The following ESRRG variants were observed in gnomAD, a reference collection of about 807,000 sequenced individuals.
ESRRG encodes the protein estrogen related receptor gamma.
In ESRRG, 13 loss-of-function variants were observed where a neutral mutation model predicts 44.0. That is an observed-to-expected ratio of 0.30 (90% CI 0.19 to 0.47). The LOEUF (loss-of-function observed/expected upper bound fraction) is 0.47. ESRRG is among the 20% of genes least tolerant of loss of function. The probability of loss-of-function intolerance (pLI) is 1.00; values close to 1 mark genes in which losing one functional copy is unlikely to be tolerated. For missense variants in ESRRG, 395 were observed against 580.6 expected (o/e 0.68, Z 3.29); for synonymous variants, 215 against 214.6 (o/e 1.00, Z -0.02).
intron 1 of ESRRG, among the ~76,000 whole-genome samples, chr1:217,029,059 T>TAA (rs5780956): frequency 2.0e-5 from 3 of 149,724 alleles, no homozygotes; most frequent in Non-Finnish European, 1.5e-5. Context: ...CTGAAAAACT[T>TAA]AAAAAAAAAA....
At chr1:216,671,589 C>T (rs974365647) in intron 2 of ESRRG, among the ~76,000 whole-genome samples, 3 of 152,116 alleles carry the variant, frequency 2.0e-5, no homozygotes, top group African/African-American at 7.2e-5. Context: ...CTCATGTAAC[C>T]CTCATCACTT....
intron 3 of ESRRG, among the ~76,000 whole-genome samples, chr1:216,628,944 C>T (rs1202577919): frequency 6.6e-6 from 1 of 152,112 alleles, no homozygotes; most frequent in Non-Finnish European, 1.5e-5. Context: ...CTCTCTCAGC[C>T]TCTGAGCTTG....
intron 1 of ESRRG, among the ~76,000 whole-genome samples, chr1:217,040,383 T>A (rs373392636): frequency 5.3e-5 from 8 of 152,118 alleles, no homozygotes; most frequent in African/African-American, 1.7e-4. Flanking sequence ...GAGGATGCCT[T>A]GAACCCAGCC....
intron 2 of ESRRG, among the ~76,000 whole-genome samples, chr1:216,829,694 TG>T (rs1466331013): frequency 6.6e-6 from 1 of 151,896 alleles, no homozygotes; most frequent in Non-Finnish European, 1.5e-5. Flanking sequence ...GCTGGGATTA[TG>T]GGCGCCTGCC....
intron 2 of ESRRG, among the ~76,000 whole-genome samples, chr1:216,853,907 T>A (rs767484820): frequency 5.9e-5 from 9 of 152,200 alleles, no homozygotes; most frequent in Non-Finnish European, 1.3e-4. Context: ...GGTTTTTAAG[T>A]CTGTTTATAC....
intron 1 of ESRRG, among the ~76,000 whole-genome samples, chr1:216,687,424 C>T (rs1160282454): frequency 2.0e-5 from 3 of 152,222 alleles, no homozygotes; most frequent in Non-Finnish European, 4.4e-5. Context: ...AGCTTCATTT[C>T]TACCAACTGT....
rs1032471199 is a variant in ESRRG at position 216,543,719 on chromosome 1, C to T, written c.862+20500G>A. 1.0e-3 allele frequency among the ~76,000 whole-genome samples: 154 copies of T among 151,932 alleles called. 3 individuals carry two copies. The highest frequency in any genetic ancestry group is 1.2e-4 in the Non-Finnish European group (8 of 67,972). ...AAAATAGTATCCACCATCAGATGAACAGGGTTGAAACAGTATTCTACACTT... is the reference window on the plus strand; with the variant it reads ...AAAATAGTATCCACCATCAGATGAATAGGGTTGAAACAGTATTCTACACTT... On this transcript the variant is annotated intron_variant, in intron 5 of 6. Coordinates refer to ENST00000408911, the MANE Select transcript of ESRRG (RefSeq NM_001438.4).
rs75544141 is a variant in ESRRG, at chr1:216,955,180, C to A, written c.-105-15507G>T. 1.5e-3 allele frequency among the ~76,000 whole-genome samples: 229 copies of A among 152,084 alleles called. 4 individuals carry two copies. In the East Asian group the frequency reaches 0.038, roughly 26 times the overall value. Reference sequence around the variant, plus strand: ...TGTCATTTCGTATCTGTTAACCAACCTCTCCCATCCTTCCCTCACACCTAC... The same window carrying A: ...TGTCATTTCGTATCTGTTAACCAACATCTCCCATCCTTCCCTCACACCTAC... On this transcript the variant is annotated intron_variant, in intron 1 of 7. Transcript: ENST00000359162.
At chr1:216,948,568 T>C (rs577219471) in intron 1 of ESRRG, among the ~76,000 whole-genome samples, 6 of 151,632 alleles carry the variant, frequency 4.0e-5, no homozygotes, top group South Asian at 4.2e-4. Context: ...TATTAGCTAA[T>C]ATTTCCAGAT....
At chr1:217,087,571 T>C (rs1043848240) in intron 1 of ESRRG, among the ~76,000 whole-genome samples, 1 of 152,160 alleles carries the variant, frequency 6.6e-6, no homozygotes, top group Non-Finnish European at 1.5e-5. Context: ...CAATTCCCGG[T>C]AAAGAAGACC....
intron 1 of ESRRG, among the ~76,000 whole-genome samples, chr1:216,689,589 A>T (rs1247160436): frequency 6.6e-6 from 1 of 152,064 alleles, no homozygotes; most frequent in African/African-American, 2.4e-5. Flanking sequence ...TTGGATTTTT[A>T]AAAATTTGGA....
intron 1 of ESRRG, among the ~76,000 whole-genome samples, chr1:217,055,201 C>T (rs897149005): frequency 2.0e-5 from 3 of 152,044 alleles, no homozygotes; most frequent in African/African-American, 7.2e-5. Flanking sequence ...AATCCTTAGA[C>T]AATAGGCAAG....
intron 3 of ESRRG, among the ~76,000 whole-genome samples, chr1:216,632,994 G>T (rs2064543218): frequency 1.3e-5 from 2 of 152,176 alleles, no homozygotes; most frequent in Admixed American, 1.3e-4. Context: ...GGAAGAGAGA[G>T]AGAGAGGGAG....
chr1:216,890,077 G>C (rs1395627170), intron 2 of ESRRG, among the ~76,000 whole-genome samples: 1 of 151,864 alleles, frequency 6.6e-6, no homozygotes, highest in African/African-American at 2.4e-5. Context: ...CCAGCTTGGG[G>C]AACATGGGAA....
At chr1:217,000,164 G>A (rs966928294) in intron 1 of ESRRG, 2 of 152,110 alleles carry the variant, frequency 1.3e-5, no homozygotes, top group Non-Finnish European at 2.9e-5. Context: ...CTTATTATAC[G>A]TAAGCGAACA....
At chr1:216,529,469 C>T (rs11572806) in intron 5 of ESRRG, among the ~76,000 whole-genome samples, 6,068 of 152,072 alleles carry the variant, frequency 0.04, 404 homozygotes, top group African/African-American at 0.13. Flanking sequence ...TTAAGTCATG[C>T]AAAGTTTTAA....
intron 2 of ESRRG, among the ~76,000 whole-genome samples, chr1:216,781,412 G>A (rs1388338708): frequency 1.3e-5 from 2 of 151,992 alleles, no homozygotes; most frequent in East Asian, 3.9e-4. Flanking sequence ...ACATTTGCAA[G>A]TATCTCTAAA....
chr1:216,661,105 T>C (rs1343545927), intron 2 of ESRRG, among the ~76,000 whole-genome samples: 1 of 152,166 alleles, frequency 6.6e-6, no homozygotes, highest in Non-Finnish European at 1.5e-5. Context: ...AGAAATTCAA[T>C]GTTTTTAGTT....
intron 1 of ESRRG, among the ~76,000 whole-genome samples, chr1:217,121,718 T>C (rs1183268715): frequency 6.6e-6 from 1 of 152,186 alleles, no homozygotes; most frequent in Non-Finnish European, 1.5e-5. Context: ...CCTGGGAAGA[T>C]GGCTGAGTAT....
Sources: gnomAD v4.1 joint callset for allele counts (sites outside exome capture counted in the v4.1 genomes callset) on GRCh38, gnomAD v4.1.1 for gene constraint, MANE v1.5 for transcripts, NCBI Gene and HGNC (gene_info 2026-07-23, HGNC 2026-07-21) for gene names.